EVI2A: variants seen among roughly 807,000 people sequenced by gnomAD.
EVI2A encodes ecotropic viral integration site 2A.
EVI2A carries 11 observed loss-of-function variants against 13.0 expected under a neutral mutation model. That is an observed-to-expected ratio of 0.85 (90% CI 0.53 to 1.40). EVI2A has a LOEUF of 1.40. Among genes scored for constraint, EVI2A ranks in the 40% most tolerant of loss-of-function variants. The pLI is 0.00. For missense variants in EVI2A, 267 were observed against 279.5 expected, an observed-to-expected ratio of 0.96 and a Z score of 0.32; for synonymous variants, 89 against 98.0, an observed-to-expected ratio of 0.91 and a Z score of 0.54.
In EVI2A at chr17:31,316,591, C is replaced by G. The variant is rs552140001; in HGVS notation, c.*1712G>C. ...GATTCAAGGAGTGCTTTGTGTTACT[C>G]CTGGATGTACTGGTGCACAATCTCA... On this transcript the variant is annotated 3_prime_UTR_variant, in exon 2 of 2. Coordinates refer to ENST00000462804, the MANE Select transcript of EVI2A (RefSeq NM_014210.4). Among the ~76,000 whole-genome samples the G allele has an allele frequency of 1.2e-4, 19 of 152,056 alleles. No individual in the cohort carries two copies. The highest frequency in any genetic ancestry group is 2.5e-4 in the Non-Finnish European group (17 of 67,994).
Position 31,318,367 on chromosome 17 carries a change from G to A in EVI2A, c.647C>T (p.Thr216Ile), listed in dbSNP as rs373535159. ...TTCATCTTTTCTTTCCCTTGTAGCT[G>A]TGAGCACTCCAGTAGATTGCATCAC... is the stretch of plus-strand genomic sequence containing the variant. The part of the protein sequence containing the change: ...NLVMQSTGVL[T>I]ATRERKDEEG... Residue 216 changes from threonine to isoleucine, a missense_variant, in exon 2 of 2, where the codon ACA becomes ATA. Coordinates refer to ENST00000462804, the MANE Select transcript of EVI2A (RefSeq NM_014210.4). The A allele has an allele frequency of 6.2e-7, 1 of 1,613,716 alleles. No homozygotes were observed. The highest frequency in any genetic ancestry group is 1.3e-5 in the African/African-American group (1 of 74,832).
intron 1 of EVI2A, among the ~76,000 whole-genome samples, chr17:31,319,673 T>C (rs1209702927): frequency 4.6e-5 from 7 of 151,868 alleles, no homozygotes; most frequent in Middle Eastern, 3.4e-3. Flanking sequence ...GGTGGTTGTC[T>C]CTTTTCATTT....
In EVI2A at chr17:31,318,565, G is replaced by T. The variant is rs774655791; in HGVS notation, c.449C>A (p.Thr150Asn). 14 of 1,613,984 alleles carry T rather than the reference G, an allele frequency of 8.7e-6. No homozygotes were observed. In the South Asian group the frequency reaches 1.1e-4, roughly 13 times the overall value. Residue 150 changes from threonine (T) to asparagine (N), a missense_variant, in exon 2 of 2, where the codon ACC becomes AAC. Coordinates refer to ENST00000462804, the MANE Select transcript of EVI2A (RefSeq NM_014210.4). ...AACCACAGTTGATAGAAATAGAAAG[G>T]TACAGATAAGAAAAAGCACTGCAAT... Reference protein sequence around the residue: ...IIIAVLFLICTFLFLSTVVLA... With the variant: ...IIIAVLFLICNFLFLSTVVLA...
rs974394925 is a variant in EVI2A, at chr17:31,318,204, C to T, written c.*99G>A. 6.8e-7 allele frequency: 1 copy of T among 1,466,392 alleles called. No homozygotes were observed. Among genetic ancestry groups the T allele is most frequent in the Admixed American group, 2.3e-5 (1 of 42,696 alleles). 90.8% of individuals were successfully genotyped at this position (1,466,392 alleles called of 1,614,324 possible). A position where few individuals can be genotyped will look rare whatever the true frequency, so the allele number is the denominator to read the frequency against. ...TTCTAAATTGCAAGGTCTACCATGT[C>T]AAATTTTAGATAATCAGAACAACAC... On this transcript the variant is annotated 3_prime_UTR_variant, in exon 2 of 2. Coordinates refer to ENST00000462804, the MANE Select transcript of EVI2A (RefSeq NM_014210.4).
chr17:31,320,617 T>G (rs2069161565), intron 1 of EVI2A: 3 of 482,920 alleles, frequency 6.2e-6, no homozygotes, highest in Admixed American at 6.9e-5. Flanking sequence ...TATTTCATAT[T>G]AATAGTAGGG....
At position 31,318,998 on chromosome 17, in the gene EVI2A, C is replaced by T. The variant is rs759341310; in HGVS notation, c.16G>A (p.Glu6Lys). Residue 6 changes from glutamate to lysine, a missense_variant, in exon 2 of 2, where the codon GAA (glutamate) becomes AAA (lysine). Glu to Lys is a moderately conservative substitution (Grantham distance 56). Coordinates refer to ENST00000462804, the MANE Select transcript of EVI2A (RefSeq NM_014210.4). MPTDM[E>K]HTGHYLHLAF... is the part of the protein sequence containing the mutation. Reference sequence around the variant, plus strand: ...AGATGTAGGTAATGTCCTGTGTGTTCCATGTCCGTGGGCATGCTTGGCAAT... The same window carrying T: ...AGATGTAGGTAATGTCCTGTGTGTTTCATGTCCGTGGGCATGCTTGGCAAT... 17 of 1,604,924 alleles carry T rather than the reference C, an allele frequency of 1.1e-5. No homozygotes were observed. Among genetic ancestry groups the T allele is most frequent in the Non-Finnish European group, 1.4e-5 (17 of 1,177,224 alleles).
chr17:31,316,910 G>A lies in EVI2A; in HGVS notation c.*1393C>T, dbSNP rs1012235095. Among the ~76,000 whole-genome samples the A allele has an allele frequency of 6.6e-6, 1 of 151,994 alleles. No individual in the cohort carries two copies. Among genetic ancestry groups the A allele is most frequent in the Non-Finnish European group, 1.5e-5 (1 of 68,002 alleles). On this transcript the variant is annotated 3_prime_UTR_variant, in exon 2 of 2. Transcript: ENST00000462804. ...CTAGACGTTTGAATTTGATGACCAA[G>A]AGCAGTTATCACCTTGAGAGTTACG...
chr17:31,318,791 T>C lies in EVI2A; in HGVS notation c.223A>G (p.Thr75Ala). The C allele has an allele frequency of 6.2e-7, 1 of 1,614,038 alleles. No individual in the cohort carries two copies. Among genetic ancestry groups the C allele is most frequent in the Non-Finnish European group, 8.5e-7 (1 of 1,179,966 alleles). The change falls in exon 2 of 2, where the codon ACA (threonine) becomes GCA (alanine). Residue 75 changes from threonine (T) to alanine (A), a missense_variant. By Grantham distance (58) the Thr-to-Ala change is moderately conservative. Coordinates refer to ENST00000462804, the MANE Select transcript of EVI2A (RefSeq NM_014210.4). ...ATGTGAGATGTTTCAGGCATGTTTG[T>C]AGAATTACCTTTATAATCTACTTCA... Reference protein sequence around the residue: ...TPEVDYKGNSTNMPETSHIVA... With the variant: ...TPEVDYKGNSANMPETSHIVA...
intron 1 of EVI2A, chr17:31,321,029 G>T (rs937280041): frequency 2.6e-5 from 4 of 152,154 alleles, no homozygotes; most frequent in African/African-American, 9.7e-5. Flanking sequence ...TAAACAAACT[G>T]TATGACAAAA....
chr17:31,320,296 G>A lies in EVI2A; in HGVS notation c.-11+1199C>T, dbSNP rs190919703. 4.5e-5 allele frequency: 54 copies of A among 1,203,186 alleles called. No homozygotes were observed. In the African/African-American group the frequency reaches 6.5e-4, roughly 15 times the overall value. The allele number at this position is 1,203,186 out of a possible 1,614,324, so 74.5% of individuals were successfully genotyped here. ...GAAATTGCCTGGTTAAGAACCCTAC[G>A]TATGCTATAGAAATTCTTCTCAAAT... is the stretch of plus-strand genomic sequence containing the variant. On this transcript the variant is annotated intron_variant, in intron 1 of 1. Coordinates refer to ENST00000462804, the MANE Select transcript of EVI2A (RefSeq NM_014210.4).
intron 1 of EVI2A, chr17:31,320,363 A>G: frequency 1.3e-6 from 2 of 1,551,406 alleles, no homozygotes; most frequent in Non-Finnish European, 8.6e-7. Context: ...AAAAAAAGGC[A>G]GATTCTTACC....
rs1185871071 is a variant in EVI2A at position 31,321,560 on chromosome 17, T to G, written c.-76A>C. ...TTGATAAACCACTTCTTTTCTTGTC[T>G]TCTTTTTAAAGCAGAATAGACTTGG... On this transcript the variant is annotated 5_prime_UTR_variant, in exon 1 of 2. Transcript: ENST00000462804. 1 of 152,198 alleles carries G rather than the reference T, an allele frequency of 6.6e-6. No individual in the cohort carries two copies. The highest frequency in any genetic ancestry group is 1.9e-4 in the East Asian group (1 of 5,204). 9.4% of individuals were successfully genotyped at this position (152,198 alleles called of 1,614,324 possible). A position where few individuals can be genotyped will look rare whatever the true frequency, so the allele number is the denominator to read the frequency against.
chr17:31,319,056 T>A, intron 1 of EVI2A, 33 bp from the exon 2 acceptor site: 1 of 1,542,748 alleles, frequency 6.5e-7, no homozygotes, highest in Admixed American at 2.1e-5. Flanking sequence ...TGTTAGTTTG[T>A]GAAAGAATAA....
At chr17:31,319,387 A>AG (rs914702698) in intron 1 of EVI2A, among the ~76,000 whole-genome samples, 1 of 151,940 alleles carries the variant, frequency 6.6e-6, no homozygotes, top group Non-Finnish European at 1.5e-5. Flanking sequence ...AAAAAAAAAA[A>AG]ATTAAGGATC....
Position 31,316,513 on chromosome 17 carries a change from G to T in EVI2A, c.*1790C>A, listed in dbSNP as rs997347447. On this transcript the variant is annotated 3_prime_UTR_variant, in exon 2 of 2. Transcript: ENST00000462804. ...TATGAAAGTAATTTCCTATTTTTAT[G>T]ATGATATTAATTTCTTTTAATTTTC... 2.0e-5 allele frequency among the ~76,000 whole-genome samples: 3 copies of T among 152,142 alleles called. No individual in the cohort carries two copies. The highest frequency in any genetic ancestry group is 4.4e-5 in the Non-Finnish European group (3 of 68,016).
At chr17:31,320,106 C>T (rs2069141578) in intron 1 of EVI2A, among the ~76,000 whole-genome samples, 1 of 151,990 alleles carries the variant, frequency 6.6e-6, no homozygotes, top group Non-Finnish European at 1.5e-5. Flanking sequence ...TTAACAGTTC[C>T]ATGTACTGCT....
chr17:31,318,856 C>T lies in EVI2A; in HGVS notation c.158G>A (p.Arg53Lys). The T allele has an allele frequency of 6.2e-7, 1 of 1,614,028 alleles. No individual in the cohort carries two copies. The highest frequency in any genetic ancestry group is 8.5e-7 in the Non-Finnish European group (1 of 1,179,940). Residue 53 changes from arginine to lysine, a missense_variant, in exon 2 of 2, where the codon AGA (arginine) becomes AAA (lysine). Physicochemically the swap from Arg to Lys is conservative, Grantham distance 26. Transcript: ENST00000462804. ...TGTGTTAATGTTTTCATTTTGGTTTCTGCCTGTCTTGTTTTGAATAACTGA... is the reference window on the plus strand; with the variant it reads ...TGTGTTAATGTTTTCATTTTGGTTTTTGCCTGTCTTGTTTTGAATAACTGA... ...WDSVIQNKTG[R>K]NQNENINTNP...
chr17:31,318,693 TACTGTTGAAGG>T lies in EVI2A; in HGVS notation c.310_320del (p.Pro104ThrfsTer4). 1.2e-6 allele frequency: 2 copies of T among 1,614,164 alleles called. No individual in the cohort carries two copies. Among genetic ancestry groups the T allele is most frequent in the Non-Finnish European group, 1.7e-6 (2 of 1,180,002 alleles). ...TTTTGCTTGTGTTTTCAATGCTCTGTACTGTTGAAGGACTGTTGCTGACGACAGAAGGTATA... is the reference window on the plus strand; with the variant it reads ...TTTTGCTTGTGTTTTCAATGCTCTGTACTGTTGCTGACGACAGAAGGTATA... On this transcript the variant is annotated frameshift_variant, in exon 2 of 2. Coordinates refer to ENST00000462804, the MANE Select transcript of EVI2A (RefSeq NM_014210.4). LOFTEE classifies it high-confidence loss of function.
At chr17:31,320,705 T>G (rs1366197399) in intron 1 of EVI2A, among the ~76,000 whole-genome samples, 2 of 152,174 alleles carry the variant, frequency 1.3e-5, no homozygotes, top group Non-Finnish European at 2.9e-5. Context: ...AAGGCCCAAG[T>G]CACTGGCTTT....
Sources: gnomAD v4.1 joint callset for allele counts (sites outside exome capture counted in the v4.1 genomes callset) on GRCh38, gnomAD v4.1.1 for gene constraint, MANE v1.5 for transcripts, NCBI Gene and HGNC (gene_info 2026-07-23, HGNC 2026-07-21) for gene names.